P3H2: variants seen among roughly 807,000 people sequenced by gnomAD.
P3H2 encodes leprecan-like 1.
A neutral mutation model predicts 87.0 loss-of-function variants in P3H2; 80 were observed. The observed-to-expected ratio is 0.92, with a 90% CI of 0.77 to 1.11. P3H2 has a LOEUF of 1.11. P3H2 is among the 50% of genes least tolerant of loss of function. The pLI is 0.00. For synonymous variants in P3H2, 367 were observed against 359.3 expected, an observed-to-expected ratio of 1.02 and a Z score of -0.24; for missense variants, 1,001 against 923.9, an observed-to-expected ratio of 1.08 and a Z score of -1.08.
upstream of P3H2, chr3:190,120,946 A>T: frequency 1.6e-6 from 1 of 625,862 alleles, no homozygotes; most frequent in Admixed American, 4.1e-5. Flanking sequence ...CACAGCTCAC[A>T]CGCTCCTCCT....
rs1181319830 is a variant in P3H2 at position 190,120,476 on chromosome 3, G to C, written c.256C>G (p.Arg86Gly). ...RLREIRTRCA[R>G]HCAARHPLPP... Reference sequence around the variant, plus strand: ...AGCGGGTGGCGCGCCGCGCAGTGGCGGGCACAGCGCGTGCGGATTTCCCGC... The same window carrying C: ...AGCGGGTGGCGCGCCGCGCAGTGGCCGGCACAGCGCGTGCGGATTTCCCGC... The change falls in exon 1 of 15, where the codon CGC (arginine) becomes GGC (glycine). Residue 86 changes from arginine to glycine, a missense_variant. Transcript: ENST00000319332. The C allele has an allele frequency of 4.9e-6, 7 of 1,434,324 alleles. No homozygotes were observed. The East Asian group carries it at 8.9e-5, about 18-fold the overall frequency. The allele number at this position is 1,434,324 out of a possible 1,614,324, so 88.8% of individuals were successfully genotyped here.
chr3:190,059,997 C>G (rs567408733), intron 1 of P3H2, among the ~76,000 whole-genome samples: 1 of 152,204 alleles, frequency 6.6e-6, no homozygotes, highest in African/African-American at 2.4e-5. Context: ...CTACCTTTTG[C>G]CAACATCAAG....
intron 1 of P3H2, among the ~76,000 whole-genome samples, chr3:190,063,301 C>T (rs1046870369): frequency 6.6e-6 from 1 of 152,128 alleles, no homozygotes; most frequent in African/African-American, 2.4e-5. Flanking sequence ...CAGTATTTAT[C>T]ATTTCCATGC....
intron 1 of P3H2, among the ~76,000 whole-genome samples, chr3:190,004,428 G>T (rs557289601): frequency 3.5e-4 from 53 of 152,122 alleles, no homozygotes; most frequent in Non-Finnish European, 6.9e-4. Context: ...TGTCGCCCAG[G>T]CTGGAGTGCA....
intron 1 of P3H2, among the ~76,000 whole-genome samples, chr3:190,040,618 A>G (rs1725576730): frequency 5.9e-5 from 9 of 152,156 alleles, no homozygotes; most frequent in Admixed American, 3.3e-4. Flanking sequence ...AATGGTGATA[A>G]TATTGCCTTA....
At chr3:190,076,014 C>A (rs182772920) in intron 1 of P3H2, among the ~76,000 whole-genome samples, 4 of 152,222 alleles carry the variant, frequency 2.6e-5, no homozygotes, top group African/African-American at 9.6e-5. Flanking sequence ...CTCATGGTAA[C>A]ACAAATGGTC....
Position 190,001,209 on chromosome 3 carries a change from T to G in P3H2, c.481-5767A>C, listed in dbSNP as rs1026191506. 5.4e-4 allele frequency among the ~76,000 whole-genome samples: 83 copies of G among 152,304 alleles called. 1 individual carries two copies. The highest frequency in any genetic ancestry group is 1.2e-3 in the South Asian group (6 of 4,826). The stretch of plus-strand genomic sequence containing the variant: ...ATTAGGATATGTAGCTCAAATATTT[T>G]GAATACGAAATTAAGAACAACTTGT... On this transcript the variant is annotated intron_variant, in intron 1 of 14. Coordinates refer to ENST00000319332, the MANE Select transcript of P3H2 (RefSeq NM_018192.4).
At chr3:190,064,418 A>G (rs1394608151) in intron 1 of P3H2, among the ~76,000 whole-genome samples, 1 of 152,120 alleles carries the variant, frequency 6.6e-6, no homozygotes, top group South Asian at 2.1e-4. Flanking sequence ...TGGAAGGGCT[A>G]GGCTGATAGC....
chr3:190,094,153 T>A (rs1009361410), intron 1 of P3H2, among the ~76,000 whole-genome samples: 5 of 152,350 alleles, frequency 3.3e-5, no homozygotes, highest in African/African-American at 9.6e-5. Flanking sequence ...TGACTGGAAC[T>A]ATGGAGCTCT....
At chr3:190,108,584 T>C (rs1167920207) in intron 1 of P3H2, among the ~76,000 whole-genome samples, 1 of 152,230 alleles carries the variant, frequency 6.6e-6, no homozygotes, top group African/African-American at 2.4e-5. Flanking sequence ...ATCTCTGAAT[T>C]GACACTACAT....
chr3:189,992,249 C>A (rs9861061), intron 3 of P3H2, among the ~76,000 whole-genome samples: 44,253 of 151,904 alleles, frequency 0.29, 6,921 homozygotes, highest in East Asian at 0.48. Flanking sequence ...CACCCACCAC[C>A]ACACCTGCCT....
At chr3:190,050,329 C>T (rs533773840) in intron 1 of P3H2, among the ~76,000 whole-genome samples, 1 of 152,248 alleles carries the variant, frequency 6.6e-6, no homozygotes, top group East Asian at 1.9e-4. Context: ...TATTTGAAAG[C>T]GACAATCATA....
At chr3:190,062,626 C>A (rs77381810) in intron 1 of P3H2, among the ~76,000 whole-genome samples, 1 of 152,154 alleles carries the variant, frequency 6.6e-6, no homozygotes, top group Admixed American at 6.6e-5. Flanking sequence ...ATAAGCATTG[C>A]GTTTTGAAAT....
intron 1 of P3H2, among the ~76,000 whole-genome samples, chr3:190,111,761 A>G (rs904924181): frequency 1.3e-5 from 2 of 152,290 alleles, no homozygotes; most frequent in Middle Eastern, 3.4e-3. Flanking sequence ...AGACACAGAA[A>G]ATTTTGTACA....
intron 1 of P3H2, among the ~76,000 whole-genome samples, chr3:189,996,964 C>T (rs1005541864): frequency 1.3e-5 from 2 of 152,186 alleles, no homozygotes; most frequent in Admixed American, 1.3e-4. Context: ...ACAATGATCT[C>T]CATGTAACAA....
chr3:190,024,123 T>G (rs185229088), intron 1 of P3H2, among the ~76,000 whole-genome samples: 1 of 152,202 alleles, frequency 6.6e-6, no homozygotes, highest in Non-Finnish European at 1.5e-5. Context: ...TGAAATAAAT[T>G]AAGTGTATAA....
chr3:190,019,588 A>G (rs1410018060), intron 1 of P3H2, among the ~76,000 whole-genome samples: 1 of 78,146 alleles, frequency 1.3e-5, no homozygotes, highest in African/African-American at 3.6e-5. Context: ...TTAATTTTGC[A>G]CATTTTAATA....
chr3:190,111,245 A>G (rs541579509), intron 1 of P3H2, among the ~76,000 whole-genome samples: 1 of 152,364 alleles, frequency 6.6e-6, no homozygotes, highest in South Asian at 2.1e-4. Context: ...CATTTGGCAT[A>G]TAATGCAAGT....
chr3:190,113,833 T>G (rs1712165317), intron 1 of P3H2, among the ~76,000 whole-genome samples: 1 of 152,064 alleles, frequency 6.6e-6, no homozygotes, highest in South Asian at 2.1e-4. Flanking sequence ...ATCCCAGCAC[T>G]TTGGGAGGCC....
Sources: gnomAD v4.1 joint callset for allele counts (sites outside exome capture counted in the v4.1 genomes callset) on GRCh38, gnomAD v4.1.1 for gene constraint, MANE v1.5 for transcripts, NCBI Gene and HGNC (gene_info 2026-07-23, HGNC 2026-07-21) for gene names.